Variants in PLA2G2F observed in about 807,000 individuals in gnomAD.
PLA2G2F encodes phospholipase A2 group IIF.
A neutral mutation model predicts 15.9 loss-of-function variants in PLA2G2F; 17 were observed. That is an observed-to-expected ratio of 1.07 (90% CI 0.73 to 1.60). PLA2G2F has a LOEUF of 1.60. Ranked by LOEUF, PLA2G2F falls within the 40% of genes most tolerant of loss-of-function variation. The pLI is 0.00. For missense variants in PLA2G2F, 299 were observed against 278.2 expected (o/e 1.07, Z -0.53); for synonymous variants, 119 against 106.5 (o/e 1.12, Z -0.72).
chr1:20,148,697 G>A lies in PLA2G2F; in HGVS notation c.*296G>A, dbSNP rs1012976155. 4 of 431,178 alleles carry A rather than the reference G, an allele frequency of 9.3e-6. No homozygotes were observed. The highest frequency in any genetic ancestry group is 1.7e-5 in the Non-Finnish European group (4 of 238,764). 26.7% of individuals were successfully genotyped at this position (431,178 alleles called of 1,614,324 possible). On this transcript the variant is annotated 3_prime_UTR_variant, in exon 5 of 5. Transcript: ENST00000375102. ...GGGAGACCTGAGAGAGAGGAGGAGG[G>A]GCCTCTGAGTGGGGCCTCTGTTGCT...
At chr1:20,146,437 T>A (rs2017609744) in intron 4 of PLA2G2F, among the ~76,000 whole-genome samples, 2 of 152,214 alleles carry the variant, frequency 1.3e-5, no homozygotes, top group Non-Finnish European at 2.9e-5. Flanking sequence ...TTCCTTCATT[T>A]ACCATGAACT....
rs1253768800 is a variant in PLA2G2F, at chr1:20,144,635, C to T, written c.370C>T (p.Pro124Ser). The T allele has an allele frequency of 1.2e-6, 2 of 1,612,512 alleles. No homozygotes were observed. Among genetic ancestry groups the T allele is most frequent in the South Asian group, 1.1e-5 (1 of 90,604 alleles). The stretch of plus-strand genomic sequence containing the variant: ...GGAACTCTTTGACCAAGGCTGTCAC[C>T]CCTATGTGGACCACTATGATCACAC... ...YQELFDQGCH[P>S]YVDHYDHTIE... The change falls in exon 4 of 5, where the codon CCC becomes TCC. Residue 124 changes from proline (P) to serine (S), a missense_variant. Transcript: ENST00000375102.
intron 3 of PLA2G2F, chr1:20,143,948 C>G: frequency 4.7e-6 from 1 of 213,450 alleles, no homozygotes; most frequent in South Asian, 1.1e-4. Context: ...CTCTGGAAGA[C>G]AGGACCATGC....
intron 4 of PLA2G2F, among the ~76,000 whole-genome samples, chr1:20,146,414 C>G (rs1380994157): frequency 6.6e-6 from 1 of 152,236 alleles, no homozygotes; most frequent in Non-Finnish European, 1.5e-5. Flanking sequence ...GTATTAGCAC[C>G]TGGCCTGGCG....
At chr1:20,140,585 G>A in intron 2 of PLA2G2F, 1 of 229,560 alleles carries the variant, frequency 4.4e-6, no homozygotes, top group Non-Finnish European at 8.6e-6. Context: ...GTGTGTCTGA[G>A]CATGTGATGA....
At chr1:20,147,128 G>A (rs1055027782) in intron 4 of PLA2G2F, among the ~76,000 whole-genome samples, 3 of 152,178 alleles carry the variant, frequency 2.0e-5, no homozygotes, top group Non-Finnish European at 4.4e-5. Flanking sequence ...CTAGTTGGAG[G>A]TTCTCAAAGG....
At chr1:20,146,764 T>C (rs1301983623) in intron 4 of PLA2G2F, among the ~76,000 whole-genome samples, 7 of 152,222 alleles carry the variant, frequency 4.6e-5, no homozygotes, top group Non-Finnish European at 5.9e-5. Context: ...GTGGTCCTCA[T>C]GTTCTGCTGT....
At chr1:20,140,242 C>T (rs780664725) in intron 2 of PLA2G2F, 24 bp downstream of exon 2, 1 of 1,611,292 alleles carries the variant, frequency 6.2e-7, no homozygotes, top group Non-Finnish European at 8.5e-7. Context: ...CCAGAGGGCT[C>T]CTCCTTCTCT....
intron 3 of PLA2G2F, 54 bp downstream of exon 3, chr1:20,143,644 G>A: frequency 1.3e-6 from 2 of 1,590,680 alleles, no homozygotes; most frequent in East Asian, 2.3e-5. Flanking sequence ...ACAGCTGAAG[G>A]TCAGACTGAC....
At chr1:20,145,284 A>ATTTTT (rs201526266) in intron 4 of PLA2G2F, among the ~76,000 whole-genome samples, 1 of 141,044 alleles carries the variant, frequency 7.1e-6, no homozygotes, top group Non-Finnish European at 1.6e-5. Flanking sequence ...TAAAACATGT[A>ATTTTT]TTTTTTTTTT....
Position 20,139,648 on chromosome 1 carries a change from C to T in PLA2G2F, c.116+105C>T, listed in dbSNP as rs962517771. The T allele has an allele frequency of 6.9e-6, 6 of 865,788 alleles. No homozygotes were observed. The African/African-American group carries it at 1.0e-4, about 15-fold the overall frequency. 53.6% of individuals were successfully genotyped at this position (865,788 alleles called of 1,614,324 possible). A position where few individuals can be genotyped will look rare whatever the true frequency, so the allele number is the denominator to read the frequency against. ...TTCTCCTAAGAGTCCACGTGGTGGGCAGAACCCCAAAGGGATCATTTAGTC... is the reference window on the plus strand; with the variant it reads ...TTCTCCTAAGAGTCCACGTGGTGGGTAGAACCCCAAAGGGATCATTTAGTC... On this transcript the variant is annotated intron_variant, in intron 1 of 4. Coordinates refer to ENST00000375102, the MANE Select transcript of PLA2G2F (RefSeq NM_022819.4).
At chr1:20,145,652 G>T (rs1394035262) in intron 4 of PLA2G2F, among the ~76,000 whole-genome samples, 1 of 151,616 alleles carries the variant, frequency 6.6e-6, no homozygotes, top group Admixed American at 6.6e-5. Context: ...TTGCTCTGTT[G>T]CCCAGGCTGG....
At chr1:20,146,004 C>G (rs1316342000) in intron 4 of PLA2G2F, among the ~76,000 whole-genome samples, 1 of 152,236 alleles carries the variant, frequency 6.6e-6, no homozygotes, top group African/African-American at 2.4e-5. Context: ...TTGAGAACAT[C>G]TCCCTGAGGT....
Position 20,148,178 on chromosome 1 carries a change from A to T in PLA2G2F, c.425-12A>T. 1 of 1,612,628 alleles carries T rather than the reference A, an allele frequency of 6.2e-7. No homozygotes were observed. The highest frequency in any genetic ancestry group is 2.2e-5 in the East Asian group (1 of 44,842). On this transcript the variant is annotated splice_polypyrimidine_tract_variant and intron_variant, in intron 4 of 4. Transcript: ENST00000375102. ...TTTCATCCACAGCCTTTGCCACCCC[A>T]TCCCCCTGTAGGTGACCTCAACAAG... is the stretch of plus-strand genomic sequence containing the variant.
chr1:20,139,487 C>T lies in PLA2G2F; in HGVS notation c.60C>T (p.Cys20=). 4 of 1,583,514 alleles carry T rather than the reference C, an allele frequency of 2.5e-6. No homozygotes were observed. The highest frequency in any genetic ancestry group is 3.4e-6 in the Non-Finnish European group (4 of 1,163,664). ...TCAAAAAGAAGGTGCTGGATAGATG[C>T]TTCTCTGGGTGGAGGGGCCCACGCT... ...KGFKKKVLDR[C]FSGWRGPRFG... is the part of the protein sequence containing the mutation. The change falls in exon 1 of 5, where the codon TGC becomes TGT. Residue 20 remains cysteine, a synonymous_variant. Transcript: ENST00000375102.
At position 20,149,898 on chromosome 1, in the gene PLA2G2F, C is replaced by T. The variant is rs818571; in HGVS notation, c.*1497C>T. 51,885 of 152,356 alleles carry T rather than the reference C, an allele frequency of 0.34. 9,431 individuals are homozygous for T. Among genetic ancestry groups the T allele is most frequent in the East Asian group, 0.61 (3,171 of 5,172 alleles). 9.4% of individuals were successfully genotyped at this position (152,356 alleles called of 1,614,324 possible). A position where few individuals can be genotyped will look rare whatever the true frequency, so the allele number is the denominator to read the frequency against. ...AAAACCACTGAAGCCACCCTCCGCC[C>T]GGACTCAACAGCCGCCAGCAAGCTC... On this transcript the variant is annotated 3_prime_UTR_variant, in exon 5 of 5. Transcript: ENST00000375102.
Position 20,139,406 on chromosome 1 carries a change from C to T in PLA2G2F, c.-22C>T, listed in dbSNP as rs774083008. 1.3e-6 allele frequency: 2 copies of T among 1,534,810 alleles called. No individual in the cohort carries two copies. The highest frequency in any genetic ancestry group is 1.2e-5 in the South Asian group (1 of 83,692). On this transcript the variant is annotated 5_prime_UTR_variant, in exon 1 of 5. Transcript: ENST00000375102. ...CTCAGACCTTCTGAGACCTATGTTG[C>T]TGGCCCCCCAGAACCCGCAACATGG...
At position 20,145,604 on chromosome 1, in the gene PLA2G2F, T is replaced by TTTAATTAA. The variant is rs140888490; in HGVS notation, c.424+936_424+943dup. Among the ~76,000 whole-genome samples, 1,052 of 150,908 alleles carry TTTAATTAA rather than the reference T, an allele frequency of 7.0e-3. 4 individuals are homozygous for TTTAATTAA. The highest frequency in any genetic ancestry group is 0.013 in the African/African-American group (544 of 40,994). ...CAAACATGTACTGTTTACCTGAAAT[T>TTTAATTAA]TTAATTAATTAATTAATTAATTAAT... On this transcript the variant is annotated intron_variant, in intron 4 of 4. Coordinates refer to ENST00000375102, the MANE Select transcript of PLA2G2F (RefSeq NM_022819.4).
In PLA2G2F at chr1:20,141,168, A is replaced by G. The variant is rs1439401172; in HGVS notation, c.169+950A>G. The G allele has an allele frequency of 3.3e-5, 5 of 152,386 alleles. No homozygotes were observed. The South Asian group carries it at 8.3e-4, about 25-fold the overall frequency. 9.4% of individuals were successfully genotyped at this position (152,386 alleles called of 1,614,324 possible). Reference sequence around the variant, plus strand: ...GGTTAGGGGCAGAGCCTTCAACCCAACTGAATGCGGACTTGGATTCCTTCG... The same window carrying G: ...GGTTAGGGGCAGAGCCTTCAACCCAGCTGAATGCGGACTTGGATTCCTTCG... On this transcript the variant is annotated intron_variant, in intron 2 of 4. Transcript: ENST00000375102.
Sources: allele counts gnomAD v4.1 joint callset (sites outside exome capture counted in the v4.1 genomes callset), GRCh38; gene constraint gnomAD v4.1.1; transcripts MANE v1.5; gene names NCBI Gene and HGNC (gene_info 2026-07-23, HGNC 2026-07-21).